ARHGAP32: variants seen among roughly 807,000 people sequenced by gnomAD.
ARHGAP32 encodes the protein Rho GTPase activating protein 32.
In ARHGAP32, 51 loss-of-function variants were observed where a neutral mutation model predicts 186.5. The ratio of observed to expected loss-of-function variants is 0.27; its 90% CI spans 0.22 to 0.35. ARHGAP32 has a LOEUF of 0.35. Among genes scored for constraint, ARHGAP32 ranks in the 10% least tolerant of loss-of-function variants. The probability of loss-of-function intolerance (pLI) is 1.00; values close to 1 mark genes in which losing one functional copy is unlikely to be tolerated. For missense variants in ARHGAP32, 2,186 were observed against 2,623.5 expected (o/e 0.83, Z 3.64); for synonymous variants, 950 against 964.3 (o/e 0.99, Z 0.27).
intron 6 of ARHGAP32, among the ~76,000 whole-genome samples, chr11:129,090,754 T>C (rs1415824796): frequency 1.3e-5 from 2 of 152,158 alleles, no homozygotes; most frequent in Non-Finnish European, 2.9e-5. Flanking sequence ...TTTTAGGACC[T>C]GGTAACACTG....
At chr11:129,254,682 A>G (rs1170718808) in intron 1 of ARHGAP32, among the ~76,000 whole-genome samples, 1 of 152,110 alleles carries the variant, frequency 6.6e-6, no homozygotes, top group Non-Finnish European at 1.5e-5. Context: ...CACCTTTTTA[A>G]GCAAACTAAT....
chr11:129,239,864 TAC>T (rs1449773846), intron 1 of ARHGAP32, among the ~76,000 whole-genome samples: 2 of 151,950 alleles, frequency 1.3e-5, no homozygotes, highest in Admixed American at 1.3e-4. Context: ...TTACAACACA[TAC>T]ACACACACAA....
intron 2 of ARHGAP32, among the ~76,000 whole-genome samples, chr11:129,126,283 A>G (rs1270807861): frequency 6.6e-6 from 1 of 152,186 alleles, no homozygotes; most frequent in Admixed American, 6.5e-5. Flanking sequence ...GCTACTTATA[A>G]ATGACCAAAC....
At chr11:129,137,217 T>C (rs996233093) in intron 2 of ARHGAP32, among the ~76,000 whole-genome samples, 1 of 151,562 alleles carries the variant, frequency 6.6e-6, no homozygotes, top group Non-Finnish European at 1.5e-5. Context: ...TATATATGTG[T>C]TTTCTTACAC....
chr11:129,109,253 A>G (rs189053406), intron 5 of ARHGAP32, among the ~76,000 whole-genome samples: 1 of 151,886 alleles, frequency 6.6e-6, no homozygotes, highest in African/African-American at 2.4e-5. Flanking sequence ...GTGGCCAAAT[A>G]GTATTCGATT....
At chr11:129,216,944 G>T (rs1944655911) in intron 1 of ARHGAP32, among the ~76,000 whole-genome samples, 1 of 151,418 alleles carries the variant, frequency 6.6e-6, no homozygotes. Flanking sequence ...ATCAGTTTTT[G>T]TAATGTTCCA....
intron 1 of ARHGAP32, among the ~76,000 whole-genome samples, chr11:129,188,355 C>T (rs935901969): frequency 2.0e-5 from 3 of 152,060 alleles, no homozygotes; most frequent in African/African-American, 4.8e-5. Context: ...AAAGAACAGG[C>T]AGAGTAATAA....
intron 10 of ARHGAP32, among the ~76,000 whole-genome samples, chr11:129,061,490 T>A (rs1366658649): frequency 6.6e-6 from 1 of 152,178 alleles, no homozygotes; most frequent in Non-Finnish European, 1.5e-5. Context: ...CAGTAAGAGA[T>A]TCATTACAAT....
chr11:129,173,018 G>A (rs1943803259), intron 1 of ARHGAP32, among the ~76,000 whole-genome samples: 1 of 149,730 alleles, frequency 6.7e-6, no homozygotes, highest in African/African-American at 2.5e-5. Context: ...CAAATCCAGG[G>A]GCTGTTTTTT....
At chr11:129,192,967 T>C (rs1316889535), upstream of ARHGAP32, among the ~76,000 whole-genome samples, 1 of 152,048 alleles carries the variant, frequency 6.6e-6, no homozygotes, top group Non-Finnish European at 1.5e-5. Context: ...TGCTGGGAAA[T>C]GAGTGAAAGG....
At chr11:129,135,501 C>T (rs1456894239) in intron 2 of ARHGAP32, among the ~76,000 whole-genome samples, 2 of 152,216 alleles carry the variant, frequency 1.3e-5, no homozygotes, top group East Asian at 3.8e-4. Context: ...GGCGTGGTGG[C>T]TCACGCCTGT....
intron 1 of ARHGAP32, among the ~76,000 whole-genome samples, chr11:129,174,822 T>C (rs1349435939): frequency 1.3e-5 from 2 of 150,428 alleles, no homozygotes; most frequent in Admixed American, 6.6e-5. Context: ...CAAAAGTAGA[T>C]AAAACCACAA....
chr11:129,127,199 A>G (rs1942682640), intron 2 of ARHGAP32, among the ~76,000 whole-genome samples: 1 of 152,216 alleles, frequency 6.6e-6, no homozygotes, highest in Non-Finnish European at 1.5e-5. Context: ...GAGGAACATC[A>G]TGTACCACAC....
At chr11:128,991,996 C>T (rs1180202453) in intron 12 of ARHGAP32, among the ~76,000 whole-genome samples, 1 of 152,092 alleles carries the variant, frequency 6.6e-6, no homozygotes, top group African/African-American at 2.4e-5. Flanking sequence ...GAAAGCATTA[C>T]AGATACAGAC....
chr11:129,134,494 GTAAA>G (rs977219056), intron 2 of ARHGAP32, among the ~76,000 whole-genome samples: 1 of 152,030 alleles, frequency 6.6e-6, no homozygotes, highest in African/African-American at 2.4e-5. Flanking sequence ...TAGGCATAAA[GTAAA>G]TACACAAAAA....
chr11:129,085,267 T>C (rs916203451), intron 6 of ARHGAP32, among the ~76,000 whole-genome samples: 3 of 151,980 alleles, frequency 2.0e-5, no homozygotes, highest in Admixed American at 2.0e-4. Context: ...CGCCAAGCAT[T>C]CCTCCTACTA....
At chr11:129,060,201 T>C (rs1940433138) in intron 10 of ARHGAP32, among the ~76,000 whole-genome samples, 1 of 152,320 alleles carries the variant, frequency 6.6e-6, no homozygotes, top group South Asian at 2.1e-4. Flanking sequence ...AATAAATATC[T>C]GTTACATAAA....
At chr11:129,251,586 T>C (rs943483559) in intron 1 of ARHGAP32, among the ~76,000 whole-genome samples, 1 of 152,102 alleles carries the variant, frequency 6.6e-6, no homozygotes, top group Non-Finnish European at 1.5e-5. Flanking sequence ...CATATATTTA[T>C]AACCACATTT....
intron 11 of ARHGAP32, among the ~76,000 whole-genome samples, chr11:129,010,264 T>C (rs1359943461): frequency 1.3e-5 from 2 of 152,254 alleles, no homozygotes; most frequent in Non-Finnish European, 2.9e-5. Context: ...GTGATGATAG[T>C]TTCTTTTGCT....
Sources: gnomAD v4.1 joint callset for allele counts (sites outside exome capture counted in the v4.1 genomes callset) on GRCh38, gnomAD v4.1.1 for gene constraint, MANE v1.5 for transcripts, NCBI Gene and HGNC (gene_info 2026-07-23, HGNC 2026-07-21) for gene names.